The following CPS1 variants were observed in gnomAD, a reference collection of about 807,000 sequenced individuals.
CPS1 encodes the protein carbamoyl-phosphate synthase [ammonia], mitochondrial.
A neutral mutation model predicts 174.6 loss-of-function variants in CPS1; 109 were observed. The observed-to-expected ratio is 0.62, with a 90% confidence interval of 0.53 to 0.73. The LOEUF (loss-of-function observed/expected upper bound fraction) is 0.73, where lower values mean the gene tolerates loss of function less well. Among genes scored for constraint, CPS1 ranks in the 30% least tolerant of loss-of-function variants. The pLI is 0.00. For missense variants in CPS1, 1,689 were observed against 1,821.9 expected, an observed-to-expected ratio of 0.93 and a Z score of 1.33; for synonymous variants, 637 against 632.0, an observed-to-expected ratio of 1.01 and a Z score of -0.12.
intron 1 of CPS1, among the ~76,000 whole-genome samples, chr2:210,541,802 T>G (rs1696438861): frequency 6.6e-6 from 1 of 152,178 alleles, no homozygotes; most frequent in African/African-American, 2.4e-5. Context: ...GGTTAAGTAT[T>G]TTTACAAAGA....
intron 21 of CPS1, among the ~76,000 whole-genome samples, chr2:210,622,766 TAA>T (rs36066680): frequency 5.2e-3 from 715 of 138,806 alleles, no homozygotes; most frequent in African/African-American, 0.015. Context: ...TCATGATACT[TAA>T]AAAAAAAAAA....
intron 1 of CPS1, among the ~76,000 whole-genome samples, chr2:210,524,301 A>G (rs893587378): frequency 5.3e-5 from 8 of 151,942 alleles, no homozygotes; most frequent in African/African-American, 1.4e-4. Flanking sequence ...AACCTACATG[A>G]TATCTAGCTA....
In CPS1 at chr2:210,642,626, G is replaced by A; in HGVS notation, c.3102G>A (p.Glu1034=). 1 of 1,614,054 alleles carries A rather than the reference G, an allele frequency of 6.2e-7. No homozygotes were observed. The highest frequency in any genetic ancestry group is 8.5e-7 in the Non-Finnish European group (1 of 1,179,986). ...AGTGTGACAAACTGTACTTTGAAGA[G>A]TTGTCCTTGGAGAGAATCCTAGACA... is the stretch of plus-strand genomic sequence containing the variant. The part of the protein sequence containing the change: ...FDECDKLYFE[E]LSLERILDIY... The change falls in exon 25 of 38, where the codon GAG becomes GAA. Residue 1034 remains glutamate (E), a synonymous_variant. Transcript: ENST00000233072.
upstream of CPS1, among the ~76,000 whole-genome samples, chr2:210,552,023 G>A (rs1696745459): frequency 6.6e-6 from 1 of 151,886 alleles, no homozygotes; most frequent in Non-Finnish European, 1.5e-5. Flanking sequence ...CCTCAGAGAT[G>A]CCTTCTTCAT....
At chr2:210,509,533 C>G (rs1277441286) in intron 1 of CPS1, among the ~76,000 whole-genome samples, 1 of 152,070 alleles carries the variant, frequency 6.6e-6, no homozygotes, top group Non-Finnish European at 1.5e-5. Flanking sequence ...CTGGCCAGGG[C>G]AATCAGGCAG....
intron 20 of CPS1, 23 bp downstream of exon 20, chr2:210,612,316 C>G: frequency 1.2e-6 from 2 of 1,610,500 alleles, no homozygotes; most frequent in Non-Finnish European, 1.7e-6. Context: ...AAGGGGCCCA[C>G]AGCTACTAGT....
At position 210,605,233 on chromosome 2, in the gene CPS1, G is replaced by T; in HGVS notation, c.1968G>T (p.Met656Ile). ...GTAACATGGAAAATGTTGATGCCAT[G>T]GGTGTTCACACAGGTAGGCAAAGTA... ...TVCNMENVDA[M>I]GVHTGDSVVV... is the part of the protein sequence containing the mutation. The change falls in exon 17 of 38, where the codon ATG becomes ATT. Residue 656 changes from methionine to isoleucine, a missense_variant. Physicochemically the swap from Met to Ile is conservative, Grantham distance 10 (BLOSUM62 1). Coordinates refer to ENST00000233072, the MANE Select transcript of CPS1 (RefSeq NM_001875.5). 6.2e-7 allele frequency: 1 copy of T among 1,612,062 alleles called. No individual in the cohort carries two copies.
At chr2:210,637,958 C>G (rs149494458) in intron 22 of CPS1, 115 bp downstream of exon 22, 4 of 1,158,896 alleles carry the variant, frequency 3.5e-6, no homozygotes, top group Non-Finnish European at 5.2e-6. Flanking sequence ...TAAGAAGTGA[C>G]AATACTCATC....
chr2:210,644,144 C>G (rs1271126705), intron 25 of CPS1, among the ~76,000 whole-genome samples: 3 of 151,922 alleles, frequency 2.0e-5, no homozygotes, highest in Non-Finnish European at 2.9e-5. Flanking sequence ...TTATACATGG[C>G]TATTAATGAG....
At chr2:210,496,214 T>C (rs1338497384) in intron 1 of CPS1, among the ~76,000 whole-genome samples, 1 of 152,146 alleles carries the variant, frequency 6.6e-6, no homozygotes, top group East Asian at 1.9e-4. Context: ...AAGAGAATGC[T>C]CAACTTTTCC....
At chr2:210,482,162 G>A (rs1207497185) in intron 1 of CPS1, among the ~76,000 whole-genome samples, 2 of 152,140 alleles carry the variant, frequency 1.3e-5, no homozygotes, top group African/African-American at 4.8e-5. Flanking sequence ...TTTTCCCTGG[G>A]TAACTCCGAG....
intron 27 of CPS1, among the ~76,000 whole-genome samples, chr2:210,649,821 AAGGATAT>A (rs1222207802): frequency 6.6e-6 from 1 of 152,214 alleles, no homozygotes; most frequent in Admixed American, 6.5e-5. Flanking sequence ...TTTAAAAAGA[AAGGATAT>A]AGTTGAAAAG....
chr2:210,656,691 A>G, intron 30 of CPS1, 59 bp downstream of exon 30: 1 of 1,171,670 alleles, frequency 8.5e-7, no homozygotes, highest in Non-Finnish European at 1.2e-6. Flanking sequence ...AAAACACCTA[A>G]GGTTTTTTTT....
At chr2:210,608,048 T>C (rs1339002492) in intron 18 of CPS1, among the ~76,000 whole-genome samples, 1 of 151,964 alleles carries the variant, frequency 6.6e-6, no homozygotes, top group Non-Finnish European at 1.5e-5. Flanking sequence ...GGAGGTTAAA[T>C]ACAAATAAAG....
intron 1 of CPS1, among the ~76,000 whole-genome samples, chr2:210,500,468 G>A (rs574315246): frequency 6.6e-6 from 1 of 152,312 alleles, no homozygotes; most frequent in Admixed American, 6.5e-5. Flanking sequence ...ATACAGTGGA[G>A]GTACAGGCCT....
In CPS1 at chr2:210,640,016, T is replaced by A. The variant is rs761122606; in HGVS notation, c.2916T>A (p.Asp972Glu). 8 of 1,611,436 alleles carry A rather than the reference T, an allele frequency of 5.0e-6. No homozygotes were observed. ...YNGQEHDVNF[D>E]DHGMMVLGCG... is the part of the protein sequence containing the mutation. Reference sequence around the variant, plus strand: ...CTCAGGAGCATGATGTCAATTTTGATGACCATGGAATGATGGTGCTAGGCT... The same window carrying A: ...CTCAGGAGCATGATGTCAATTTTGAAGACCATGGAATGATGGTGCTAGGCT... Residue 972 changes from aspartate to glutamate, a missense_variant, in exon 24 of 38, where the codon GAT (aspartate) becomes GAA (glutamate). Coordinates refer to ENST00000233072, the MANE Select transcript of CPS1 (RefSeq NM_001875.5).
intron 1 of CPS1, among the ~76,000 whole-genome samples, chr2:210,570,106 A>G (rs1187399787): frequency 6.6e-6 from 1 of 151,916 alleles, no homozygotes; most frequent in Non-Finnish European, 1.5e-5. Flanking sequence ...GTCAATTGGC[A>G]CTCATCATTT....
chr2:210,556,944 A>G (rs1696932208), intron 1 of CPS1, 85 bp downstream of exon 1: 1 of 1,469,946 alleles, frequency 6.8e-7, no homozygotes, highest in Non-Finnish European at 9.5e-7. Context: ...CAAGGCAAAT[A>G]CAGTTTTGAA....
At chr2:210,541,334 A>G (rs1324315421) in intron 1 of CPS1, among the ~76,000 whole-genome samples, 1 of 152,162 alleles carries the variant, frequency 6.6e-6, no homozygotes, top group African/African-American at 2.4e-5. Context: ...GGATAATGAA[A>G]TGCATATAAT....
Sources: gnomAD v4.1 joint callset for allele counts (sites outside exome capture counted in the v4.1 genomes callset) on GRCh38, gnomAD v4.1.1 for gene constraint, MANE v1.5 for transcripts, NCBI Gene and HGNC (gene_info 2026-07-23, HGNC 2026-07-21) for gene names.